The following BCKDHB variants were observed in gnomAD, a reference collection of about 807,000 sequenced individuals.
The protein encoded by BCKDHB is 2-oxoisovalerate dehydrogenase subunit beta, mitochondrial.
A neutral mutation model predicts 48.5 loss-of-function variants in BCKDHB; 41 were observed. The ratio of observed to expected loss-of-function variants is 0.85; its 90% CI spans 0.66 to 1.10. The LOEUF (loss-of-function observed/expected upper bound fraction) is 1.10. Ranked by LOEUF, BCKDHB falls within the 50% of genes least tolerant of loss-of-function variation. The pLI is 0.00. For missense variants in BCKDHB, 496 were observed against 494.2 expected, an observed-to-expected ratio of 1.00 and a Z score of -0.03; for synonymous variants, 201 against 174.8, an observed-to-expected ratio of 1.15 and a Z score of -1.18.
Position 80,203,122 on chromosome 6 carries a change from A to G in BCKDHB, c.861A>G (p.Val287=), listed in dbSNP as rs1358699136. The change falls in exon 8 of 10, where the codon GTA becomes GTG. Residue 287 remains valine, a synonymous_variant. Coordinates refer to ENST00000320393, the MANE Select transcript of BCKDHB (RefSeq NM_183050.4). ...TTCAGGTTCATGTGATCCGAGAGGT[A>G]GCTTCCATGGCAAAAGAAAAGCTTG... ...WGTQVHVIRE[V]ASMAKEKLGV... 14 of 1,612,438 alleles carry G rather than the reference A, an allele frequency of 8.7e-6. No homozygotes were observed. The highest frequency in any genetic ancestry group is 3.3e-4 in the Middle Eastern group (2 of 6,052).
chr6:80,413,272 C>T, the BCKDHB span, among the ~76,000 whole-genome samples: 5 of 152,120 alleles, frequency 3.3e-5, no homozygotes, highest in East Asian at 1.9e-4. Context: ...TTAAGCTCAC[C>T]GTAAGTATGT....
rs1767907486 is a variant in BCKDHB, at chr6:80,306,901, A to G, written c.1038+33680A>G. Among the ~76,000 whole-genome samples the G allele has an allele frequency of 1.3e-5, 2 of 152,180 alleles. 1 individual carries two copies. The highest frequency in any genetic ancestry group is 4.1e-4 in the South Asian group (2 of 4,826). On this transcript the variant is annotated intron_variant, in intron 9 of 9. Transcript: ENST00000320393. ...GCTACCTGGTAACTGAAAGCAAGTG[A>G]CTGGTACATGTAAAGAACAATACAG...
Position 80,198,093 on chromosome 6 carries a change from C to T in BCKDHB, c.743-2841C>T, listed in dbSNP as rs568097952. ...GGGGCTGGCAATCTTTTTCTGTAAA[C>T]GAACAGATGGTAAATATTTTAGGTT... On this transcript the variant is annotated intron_variant, in intron 6 of 9. Coordinates refer to ENST00000320393, the MANE Select transcript of BCKDHB (RefSeq NM_183050.4). Among the ~76,000 whole-genome samples the T allele has an allele frequency of 1.2e-4, 18 of 152,222 alleles. No individual in the cohort carries two copies. The South Asian group carries it at 2.9e-3, about 25-fold the overall frequency.
intron 8 of BCKDHB, among the ~76,000 whole-genome samples, chr6:80,210,135 C>CAAAA (rs61476553): frequency 8.0e-5 from 9 of 112,978 alleles, no homozygotes; most frequent in African/African-American, 2.3e-4. Flanking sequence ...AAGAAATATA[C>CAAAA]AAAAAAAAAA....
intron 9 of BCKDHB, among the ~76,000 whole-genome samples, chr6:80,323,240 T>C (rs1768841318): frequency 6.6e-6 from 1 of 152,234 alleles, no homozygotes; most frequent in South Asian, 2.1e-4. Context: ...TGTAATAATA[T>C]TTTTGTGTTT....
intron 9 of BCKDHB, among the ~76,000 whole-genome samples, chr6:80,311,377 C>T (rs543617418): frequency 6.6e-6 from 1 of 152,258 alleles, no homozygotes; most frequent in East Asian, 1.9e-4. Context: ...AAAATTTTCT[C>T]CCATTCTGTA....
intron 1 of BCKDHB, among the ~76,000 whole-genome samples, chr6:80,115,596 T>A (rs1339885963): frequency 6.6e-6 from 1 of 152,090 alleles, no homozygotes; most frequent in Non-Finnish European, 1.5e-5. Flanking sequence ...AGGCATATAC[T>A]GATTGTCACT....
At chr6:80,111,422 T>A (rs1277314990) in intron 1 of BCKDHB, among the ~76,000 whole-genome samples, 1 of 152,220 alleles carries the variant, frequency 6.6e-6, no homozygotes, top group African/African-American at 2.4e-5. Context: ...AATCTTCCAG[T>A]GCCAGGGGTT....
chr6:80,391,191 G>GTGTGTGTA, the BCKDHB span, among the ~76,000 whole-genome samples: 2 of 151,864 alleles, frequency 1.3e-5, no homozygotes, highest in Non-Finnish European at 2.9e-5. Flanking sequence ...GTGTGTGTGT[G>GTGTGTGTA]TGTGTGTCTC....
intron 8 of BCKDHB, among the ~76,000 whole-genome samples, chr6:80,234,838 T>C (rs951257405): frequency 1.3e-5 from 2 of 151,576 alleles, no homozygotes; most frequent in African/African-American, 4.9e-5. Context: ...TTTATATATA[T>C]ATATATTAGA....
chr6:80,170,883 G>C (rs947371339), intron 5 of BCKDHB, among the ~76,000 whole-genome samples: 2 of 152,094 alleles, frequency 1.3e-5, no homozygotes, highest in Non-Finnish European at 2.9e-5. Flanking sequence ...CTGGAGAAGA[G>C]AGTTGCATGT....
At chr6:80,171,023 T>G (rs1652914773) in intron 5 of BCKDHB, among the ~76,000 whole-genome samples, 1 of 152,106 alleles carries the variant, frequency 6.6e-6, no homozygotes, top group South Asian at 2.1e-4. Flanking sequence ...TTTTTTTATA[T>G]AGGCAAGTTT....
At chr6:80,202,210 A>G (rs1053500679) in intron 7 of BCKDHB, among the ~76,000 whole-genome samples, 1 of 152,118 alleles carries the variant, frequency 6.6e-6, no homozygotes, top group African/African-American at 2.4e-5. Flanking sequence ...GTCTTGAAGA[A>G]GAGGTGTCTG....
At chr6:80,126,210 A>G (rs1770332894) in intron 1 of BCKDHB, among the ~76,000 whole-genome samples, 1 of 152,168 alleles carries the variant, frequency 6.6e-6, no homozygotes, top group Non-Finnish European at 1.5e-5. Context: ...GGGGATTGCC[A>G]AGACCTGAAC....
chr6:80,386,266 A>C, the BCKDHB span, among the ~76,000 whole-genome samples: 1 of 151,650 alleles, frequency 6.6e-6, no homozygotes, highest in Non-Finnish European at 1.5e-5. Context: ...ATCCATGCCT[A>C]TATTTGTTGC....
intron 3 of BCKDHB, among the ~76,000 whole-genome samples, chr6:80,141,410 G>A (rs556130744): frequency 1.3e-5 from 2 of 152,184 alleles, no homozygotes; most frequent in South Asian, 2.1e-4. Context: ...TCTTGTGAAC[G>A]AGATTTTCTG....
intron 3 of BCKDHB, among the ~76,000 whole-genome samples, chr6:80,137,484 G>T (rs1770946278): frequency 6.6e-6 from 1 of 152,128 alleles, no homozygotes; most frequent in Non-Finnish European, 1.5e-5. Context: ...GAACTCTTGG[G>T]CTCAAGCAGT....
At chr6:80,133,083 C>T (rs937227498) in intron 3 of BCKDHB, among the ~76,000 whole-genome samples, 12 of 152,286 alleles carry the variant, frequency 7.9e-5, no homozygotes, top group East Asian at 5.8e-4. Flanking sequence ...CAGATCAGTT[C>T]GCTTTCTGGG....
chr6:80,279,900 C>T (rs766789163), intron 9 of BCKDHB, among the ~76,000 whole-genome samples: 7 of 152,136 alleles, frequency 4.6e-5, no homozygotes, highest in African/African-American at 1.7e-4. Flanking sequence ...TTATAAAATA[C>T]GTGCTCATTT....
Sources: gnomAD v4.1 joint callset for allele counts (sites outside exome capture counted in the v4.1 genomes callset) on GRCh38, gnomAD v4.1.1 for gene constraint, MANE v1.5 for transcripts, NCBI Gene and HGNC (gene_info 2026-07-23, HGNC 2026-07-21) for gene names.